The following CFAP74 variants were observed in gnomAD, a reference collection of about 807,000 sequenced individuals.
The protein encoded by CFAP74 is cilia and flagella associated protein 74.
CFAP74 carries 124 observed loss-of-function variants against 188.9 expected under a neutral mutation model. That is an observed-to-expected ratio of 0.66 (90% confidence interval 0.57 to 0.76). The LOEUF is 0.76. CFAP74 is among the 30% of genes least tolerant of loss of function. The pLI, the probability that CFAP74 is intolerant of heterozygous loss-of-function variation, is 0.00. For missense variants in CFAP74, 2,198 were observed against 2,165.2 expected (o/e 1.02, Z -0.30); for synonymous variants, 956 against 916.7 (o/e 1.04, Z -0.77).
chr1:1,988,406 C>A (rs934825351), intron 4 of CFAP74, 106 bp downstream of exon 4: 21 of 1,407,482 alleles, frequency 1.5e-5, no homozygotes, highest in Non-Finnish European at 2.0e-5. Context: ...CCCTCCCTTG[C>A]AGGCCCTCAG....
At chr1:1,978,265 G>A (rs1656578077) in intron 6 of CFAP74, among the ~76,000 whole-genome samples, 1 of 152,214 alleles carries the variant, frequency 6.6e-6, no homozygotes, top group Non-Finnish European at 1.5e-5. Flanking sequence ...GACTGCGCGG[G>A]GGCCTGGCAG....
chr1:1,930,067 G>A lies in CFAP74; in HGVS notation c.3281C>T (p.Pro1094Leu). ...TGTGGGGCCCACACCCACCTTTCCT[G>A]GCCACACGGTCCCCACTGAGGGCGA... ...TISPSVGTVW[P>L]GKRCLVQVAF... is the part of the protein sequence containing the mutation. Residue 1094 changes from proline to leucine, a missense_variant, in exon 26 of 39, where the codon CCA (proline) becomes CTA (leucine). Transcript: ENST00000682832. The A allele has an allele frequency of 1.3e-6, 2 of 1,519,988 alleles. No individual in the cohort carries two copies. The highest frequency in any genetic ancestry group is 4.0e-5 in the Admixed American group (2 of 50,542). The allele number at this position is 1,519,988 out of a possible 1,614,324, so 94.2% of individuals were successfully genotyped here.
At chr1:1,970,939 A>G (rs562373370) in intron 9 of CFAP74, 123 bp from the exon 10 acceptor site, 7 of 1,156,058 alleles carry the variant, frequency 6.1e-6, no homozygotes, top group East Asian at 4.8e-5. Flanking sequence ...GCACACACAC[A>G]TGCACACCTG....
intron 25 of CFAP74, among the ~76,000 whole-genome samples, chr1:1,933,657 G>A (rs1429623770): frequency 1.3e-5 from 2 of 152,150 alleles, no homozygotes; most frequent in Non-Finnish European, 2.9e-5. Flanking sequence ...GATATTGATG[G>A]TTTGTGTTTT....
rs61733994 is a variant in CFAP74, at chr1:1,974,117, C to T, written c.582G>A (p.Thr194=). 1.3e-3 allele frequency: 2,065 copies of T among 1,612,574 alleles called. 30 individuals carry two copies. In the African/African-American group the frequency reaches 0.023, roughly 18 times the overall value. ...CTGCGCGCACCTGGAGCCGCCGCCC[C>T]GTGGCCTCCACCTCCTCACGGTCAG... is the stretch of plus-strand genomic sequence containing the variant. ...RTADREEVEA[T]GRRLQVRAAE... Residue 194 remains threonine, a synonymous_variant, in exon 7 of 39, where the codon ACG becomes ACA. Coordinates refer to ENST00000682832, the MANE Select transcript of CFAP74 (RefSeq NM_001304360.2).
In CFAP74 at chr1:1,944,372, C is replaced by T. The variant is rs933195606; in HGVS notation, c.2445G>A (p.Met815Ile). ...CAGAGTCCTGGTAGAGCCGGTCATA[C>T]ATGCAGATCTTCAGGTCCACGCTGG... Reference protein sequence around the residue: ...PKPSVDLKICMYDRLYQDSVL... With the variant: ...PKPSVDLKICIYDRLYQDSVL... Residue 815 changes from methionine (M) to isoleucine (I), a missense_variant, in exon 21 of 39, where the codon ATG becomes ATA. Transcript: ENST00000682832. 2.0e-6 allele frequency: 3 copies of T among 1,535,984 alleles called. No homozygotes were observed. The African/African-American group carries it at 4.1e-5, about 21-fold the overall frequency.
rs763310128 is a variant in CFAP74 at position 1,972,007 on chromosome 1, C to T, written c.861G>A (p.Ala287=). 21 of 1,611,732 alleles carry T rather than the reference C, an allele frequency of 1.3e-5. No individual in the cohort carries two copies. The highest frequency in any genetic ancestry group is 8.3e-5 in the Admixed American group (5 of 60,006). ...GGTTCGCGGAGATGCTGCCCTTCAG[C>T]GCCACCACCGCATCCATGCGTCGCC... ...YMRRRMDAVV[A]LKGSISANRD... The change falls in exon 9 of 39, where the codon GCG becomes GCA. Residue 287 remains alanine (A), a synonymous_variant. Coordinates refer to ENST00000682832, the MANE Select transcript of CFAP74 (RefSeq NM_001304360.2).
In CFAP74 at chr1:1,970,765, C is replaced by T. The variant is rs893918501; in HGVS notation, c.940G>A (p.Glu314Lys). The T allele has an allele frequency of 1.9e-6, 3 of 1,614,190 alleles. No homozygotes were observed. The South Asian group carries it at 3.3e-5, about 18-fold the overall frequency. ...TTCTTCTCAGCCTGGACCCTCTGCT[C>T]CGCCAGCTCTGCCTTGGCACGGTCC... ...AWDRAKAELAEQRVQAEKKAI... is the reference protein window; with the variant it reads ...AWDRAKAELAKQRVQAEKKAI... The change falls in exon 10 of 39, where the codon GAG (glutamate) becomes AAG (lysine). Residue 314 changes from glutamate to lysine, a missense_variant. Glu to Lys is a moderately conservative substitution (Grantham distance 56). Transcript: ENST00000682832.
At position 1,923,557 on chromosome 1, in the gene CFAP74, G is replaced by T; in HGVS notation, c.4390-58C>A. ...GAAGCTCGGCGGCAGGGGTCCTGCTGGTGAGAGCTGGGCTGGCTCAGGGAA... is the reference window on the plus strand; with the variant it reads ...GAAGCTCGGCGGCAGGGGTCCTGCTTGTGAGAGCTGGGCTGGCTCAGGGAA... On this transcript the variant is annotated intron_variant, in intron 35 of 38. Transcript: ENST00000682832. The surrounding 1 kb of genome is among the most constrained non-coding windows in gnomAD (Gnocchi z 6.3). 1 of 1,585,088 alleles carries T rather than the reference G, an allele frequency of 6.3e-7. No individual in the cohort carries two copies. The highest frequency in any genetic ancestry group is 2.3e-5 in the East Asian group (1 of 44,414).
intron 34 of CFAP74, 121 bp downstream of exon 34, chr1:1,924,242 ACCACCCGCCCCTGCCAGTTCACCGCCCG>A (rs1651654835): frequency 6.2e-4 from 23 of 37,210 alleles, no homozygotes; most frequent in African/African-American, 1.9e-3. Context: ...CCTCCAGCTC[ACCACCCGCCCCTGCCAGTTCACCGCCCG>A]CAGCCCATCT....
At chr1:1,987,266 T>C (rs1054273458) in intron 4 of CFAP74, among the ~76,000 whole-genome samples, 1 of 152,044 alleles carries the variant, frequency 6.6e-6, no homozygotes, top group African/African-American at 2.4e-5. Context: ...GGTGACATGC[T>C]CCCCAGGGCC....
intron 1 of CFAP74, among the ~76,000 whole-genome samples, chr1:1,999,795 C>A (rs374177737): frequency 1.3e-5 from 2 of 151,910 alleles, no homozygotes; most frequent in Non-Finnish European, 2.9e-5. Context: ...ACAGCTTAGG[C>A]GACAGAGCAA....
intron 9 of CFAP74, 63 bp downstream of exon 9, chr1:1,971,917 G>A (rs949976741): frequency 7.0e-6 from 9 of 1,294,604 alleles, no homozygotes; most frequent in Admixed American, 1.7e-5. Context: ...AAGGAGCAGG[G>A]GCCCAGGGAC....
Position 1,974,018 on chromosome 1 carries a change from C to CAG in CFAP74, c.674+6_674+7insCT. On this transcript the variant is annotated splice_region_variant and intron_variant, in intron 7 of 38. Transcript: ENST00000682832. ...AAGGGATGGAGGTGGGCCTGGGTGT[C>CAG]GCCTACCTGATCCTCAGCAGTCGGT... The CAG allele has an allele frequency of 6.5e-7, 1 of 1,547,884 alleles. No homozygotes were observed. The highest frequency in any genetic ancestry group is 1.2e-5 in the South Asian group (1 of 83,750).
chr1:1,981,684 C>T (rs13303076), intron 6 of CFAP74, among the ~76,000 whole-genome samples: 4 of 121,480 alleles, frequency 3.3e-5, no homozygotes, highest in Admixed American at 8.4e-5. Context: ...CACCCAGCCG[C>T]GGACAGACAC....
At chr1:1,991,105 A>G (rs1372151764) in intron 1 of CFAP74, 130 bp from the exon 2 acceptor site, 1 of 610,384 alleles carries the variant, frequency 1.6e-6, no homozygotes, top group African/African-American at 1.9e-5. Context: ...TGCAGCACAC[A>G]CATATCTGAC....
In CFAP74 at chr1:1,923,758, C is replaced by T. The variant is rs1439405114; in HGVS notation, c.4389+17G>A. 6.2e-7 allele frequency: 1 copy of T among 1,613,118 alleles called. No individual in the cohort carries two copies. Reference sequence around the variant, plus strand: ...CCAGGGCCGGGCCGGGCTGAGCTTGCAGAGCCAGAGCCGCACCTTTTCAAA... The same window carrying T: ...CCAGGGCCGGGCCGGGCTGAGCTTGTAGAGCCAGAGCCGCACCTTTTCAAA... On this transcript the variant is annotated intron_variant, in intron 35 of 38. Transcript: ENST00000682832. The surrounding 1 kb of genome is among the most constrained non-coding windows in gnomAD (Gnocchi z 6.3).
intron 10 of CFAP74, 151 bp downstream of exon 10, chr1:1,970,508 G>C (rs1314935176): frequency 1.2e-6 from 1 of 822,086 alleles, no homozygotes. Flanking sequence ...TAGCAGCCTG[G>C]AGCCCCTGTT....
chr1:2,001,385 A>G (rs973996442), intron 1 of CFAP74, among the ~76,000 whole-genome samples: 2 of 150,086 alleles, frequency 1.3e-5, no homozygotes, highest in African/African-American at 2.5e-5. Flanking sequence ...GCTGGAGTGC[A>G]GTGGCGCAGG....
Sources: gnomAD v4.1 joint callset for allele counts (sites outside exome capture counted in the v4.1 genomes callset) on GRCh38, gnomAD v4.1.1 for gene constraint, Gnocchi (gnomAD v3.1) non-coding constraint, MANE v1.5 for transcripts, NCBI Gene and HGNC (gene_info 2026-07-23, HGNC 2026-07-21) for gene names.